The following MGA variants were observed in gnomAD, a reference collection of about 807,000 sequenced individuals.
MGA encodes the protein MAX gene-associated protein.
A neutral mutation model predicts 261.1 loss-of-function variants in MGA; 40 were observed. That is an observed-to-expected ratio of 0.15 (90% confidence interval 0.12 to 0.20). The LOEUF (loss-of-function observed/expected upper bound fraction) is 0.20. Among genes scored for constraint, MGA ranks in the 10% least tolerant of loss-of-function variants. The probability of loss-of-function intolerance (pLI) is 1.00; values close to 1 mark genes in which losing one functional copy is unlikely to be tolerated. For missense variants in MGA, 3,397 were observed against 3,630.5 expected (o/e 0.94, Z 1.65); for synonymous variants, 1,302 against 1,290.6 (o/e 1.01, Z -0.19).
At chr15:41,633,352 GTATTT>G (rs756717223) in intron 1 of MGA, among the ~76,000 whole-genome samples, 2 of 93,988 alleles carry the variant, frequency 2.1e-5, no homozygotes, top group South Asian at 4.7e-4. Flanking sequence ...CCCTCCTATG[GTATTT>G]TTTTTTTTTT....
rs1172795979 is a variant in MGA, at chr15:41,685,121, C to G, written c.1065-10954C>G. 3.9e-5 allele frequency among the ~76,000 whole-genome samples: 6 copies of G among 152,084 alleles called. No homozygotes were observed. In the South Asian group the frequency reaches 1.2e-3, roughly 31 times the overall value. The stretch of plus-strand genomic sequence containing the variant: ...TTTCACATTTAATTCTGTGATCTGT[C>G]TTGAATTATTAATAATTTTTGTACA... On this transcript the variant is annotated intron_variant, in intron 2 of 23. Coordinates refer to ENST00000219905, the MANE Select transcript of MGA (RefSeq NM_001164273.2).
At chr15:41,661,034 C>G (rs1488736150) in intron 1 of MGA, among the ~76,000 whole-genome samples, 1 of 152,228 alleles carries the variant, frequency 6.6e-6, no homozygotes, top group East Asian at 1.9e-4. Flanking sequence ...GTTTTGACAC[C>G]TGTGCAAACG....
chr15:41,683,485 G>A (rs1160201637), intron 2 of MGA, among the ~76,000 whole-genome samples: 1 of 151,864 alleles, frequency 6.6e-6, no homozygotes, highest in East Asian at 1.9e-4. Flanking sequence ...TCGTGCCTCA[G>A]CCTGCCAAGA....
At chr15:41,688,803 A>G (rs1486894489) in intron 2 of MGA, among the ~76,000 whole-genome samples, 1 of 152,232 alleles carries the variant, frequency 6.6e-6, no homozygotes, top group South Asian at 2.1e-4. Context: ...CTTAAGCAAC[A>G]GAAGTTTTAT....
chr15:41,657,675 CA>C (rs1484331604), upstream of MGA, among the ~76,000 whole-genome samples: 1 of 56,436 alleles, frequency 1.8e-5, no homozygotes, highest in Non-Finnish European at 4.4e-5. Flanking sequence ...TTTGTAAAAA[CA>C]AAACAAAACA....
chr15:41,765,322 G>A (rs2063744236), intron 23 of MGA, among the ~76,000 whole-genome samples: 1 of 152,104 alleles, frequency 6.6e-6, no homozygotes, highest in Non-Finnish European at 1.5e-5. Flanking sequence ...GATATCAGAG[G>A]GAAAGGAAGA....
intron 2 of MGA, chr15:41,684,272 T>C: frequency 8.3e-6 from 3 of 359,712 alleles, no homozygotes; most frequent in South Asian, 6.5e-5. Context: ...TTAATGTGTC[T>C]TAGAGTGGCT....
Position 41,653,378 on chromosome 15 carries a change from AAC to A in MGA, c.-67-15448_-67-15447del, listed in dbSNP as rs560943321. 1.6e-3 allele frequency among the ~76,000 whole-genome samples: 247 copies of A among 151,980 alleles called. 1 individual carries two copies. The highest frequency in any genetic ancestry group is 5.7e-3 in the African/African-American group (237 of 41,480). ...ACCGAGACTCCATCTCAGAAAAAAA[AAC>A]AACAAAAAACAACAAACAAACAAAC... On this transcript the variant is annotated intron_variant, in intron 1 of 8. Transcript: ENST00000566718.
At chr15:41,644,599 C>T (rs972442930) in intron 1 of MGA, among the ~76,000 whole-genome samples, 35 of 152,088 alleles carry the variant, frequency 2.3e-4, no homozygotes, top group African/African-American at 8.4e-4. Flanking sequence ...GAGGAGGTTG[C>T]AGTGAGCCGA....
chr15:41,722,938 C>T lies in MGA; in HGVS notation c.3431-4242C>T, dbSNP rs185869302. 2.4e-3 allele frequency among the ~76,000 whole-genome samples: 361 copies of T among 152,156 alleles called. 1 individual carries two copies. The highest frequency in any genetic ancestry group is 8.1e-3 in the African/African-American group (338 of 41,512). On this transcript the variant is annotated intron_variant, in intron 9 of 23. Transcript: ENST00000219905. Reference sequence around the variant, plus strand: ...ATATTTATTGTAATTTTAAGTCCCACGAGTAACTGAATTCCTGTAATGTTT... The same window carrying T: ...ATATTTATTGTAATTTTAAGTCCCATGAGTAACTGAATTCCTGTAATGTTT...
At chr15:41,735,642 C>T (rs936517408) in intron 12 of MGA, among the ~76,000 whole-genome samples, 3 of 151,730 alleles carry the variant, frequency 2.0e-5, no homozygotes, top group East Asian at 1.9e-4. Flanking sequence ...GAGGCTGAGG[C>T]AGGAGAACCA....
chr15:41,671,023 C>G (rs969337646), intron 2 of MGA, among the ~76,000 whole-genome samples: 3 of 152,218 alleles, frequency 2.0e-5, no homozygotes, highest in African/African-American at 7.2e-5. Flanking sequence ...ACCACATCTA[C>G]TGGTTCTGCA....
intron 1 of MGA, among the ~76,000 whole-genome samples, chr15:41,653,713 TAAA>T (rs755325703): frequency 2.4e-5 from 3 of 125,894 alleles, no homozygotes; most frequent in Admixed American, 8.2e-5. Flanking sequence ...CCCCATCTCT[TAAA>T]AAAAAAAAAA....
chr15:41,647,572 T>C (rs1460089624), intron 1 of MGA, among the ~76,000 whole-genome samples: 1 of 152,172 alleles, frequency 6.6e-6, no homozygotes, highest in Non-Finnish European at 1.5e-5. Context: ...CTCTCATCTA[T>C]TTTTCTCTTA....
Position 41,766,992 on chromosome 15 carries a change from G to A in MGA, c.8910G>A (p.Lys2970=). 1.2e-6 allele frequency: 2 copies of A among 1,613,966 alleles called. No individual in the cohort carries two copies. Among genetic ancestry groups the A allele is most frequent in the Non-Finnish European group, 1.7e-6 (2 of 1,179,902 alleles). The change falls in exon 24 of 24, where the codon AAG becomes AAA. Residue 2970 remains lysine, a synonymous_variant. Coordinates refer to ENST00000219905, the MANE Select transcript of MGA (RefSeq NM_001164273.2). ...CCTCACCCCCCACCCTACACATGAA[G>A]ACTGGCTTGGAGAACAGCAACAGCA...
At chr15:41,741,995 T>TC (rs1464212254) in intron 14 of MGA, among the ~76,000 whole-genome samples, 2 of 151,126 alleles carry the variant, frequency 1.3e-5, no homozygotes, top group African/African-American at 4.9e-5. Context: ...CAGGTGTGAG[T>TC]CACTGTGTCT....
intron 9 of MGA, 55 bp downstream of exon 9, chr15:41,713,551 G>A: frequency 6.8e-7 from 1 of 1,463,062 alleles, no homozygotes; most frequent in South Asian, 1.4e-5. Flanking sequence ...GAAAAGTATG[G>A]TTATTTTAGA....
intron 12 of MGA, 90 bp from the exon 13 acceptor site, chr15:41,736,089 ATG>A: frequency 8.9e-7 from 1 of 1,119,984 alleles, no homozygotes; most frequent in Non-Finnish European, 1.2e-6. Flanking sequence ...GAACGTGAGA[ATG>A]TGACAGTTTT....
At chr15:41,687,518 A>T (rs972838478) in intron 2 of MGA, among the ~76,000 whole-genome samples, 1 of 152,216 alleles carries the variant, frequency 6.6e-6, no homozygotes, top group Admixed American at 6.5e-5. Flanking sequence ...TACAGAAAAA[A>T]ATGATCAACT....
Sources: gnomAD v4.1 joint callset for allele counts (sites outside exome capture counted in the v4.1 genomes callset) on GRCh38, gnomAD v4.1.1 for gene constraint, MANE v1.5 for transcripts, NCBI Gene and HGNC (gene_info 2026-07-23, HGNC 2026-07-21) for gene names.